The following ARHGAP15 variants were observed in gnomAD, a reference collection of about 807,000 sequenced individuals.
ARHGAP15 encodes Rho GTPase activating protein 15, also known as rho GTPase-activating protein 15.
ARHGAP15 carries 51 observed loss-of-function variants against 63.7 expected under a neutral mutation model. The ratio of observed to expected loss-of-function variants is 0.80; its 90% CI spans 0.64 to 1.01. ARHGAP15 has a LOEUF of 1.01. ARHGAP15 is among the 50% of genes least tolerant of loss of function. ARHGAP15 has a pLI of 0.00. For synonymous variants in ARHGAP15, 191 were observed against 193.8 expected, an observed-to-expected ratio of 0.99 and a Z score of 0.12; for missense variants, 560 against 564.6, an observed-to-expected ratio of 0.99 and a Z score of 0.08.
chr2:143,666,367 T>C (rs1279561158), intron 12 of ARHGAP15, among the ~76,000 whole-genome samples: 8 of 152,300 alleles, frequency 5.3e-5, no homozygotes, highest in African/African-American at 1.7e-4. Context: ...GCTAGCCATA[T>C]GTACAAAGCT....
At chr2:143,182,518 G>A (rs1352261607) in intron 2 of ARHGAP15, among the ~76,000 whole-genome samples, 3 of 152,142 alleles carry the variant, frequency 2.0e-5, no homozygotes, top group Non-Finnish European at 4.4e-5. Flanking sequence ...GTGGTGGGGA[G>A]GAAAAGAGGA....
intron 6 of ARHGAP15, among the ~76,000 whole-genome samples, chr2:143,386,060 G>A (rs1298123380): frequency 6.6e-6 from 1 of 152,112 alleles, no homozygotes; most frequent in East Asian, 1.9e-4. Flanking sequence ...TTATGGCCAA[G>A]CATAAAGAAT....
At chr2:143,403,060 G>C (rs1688055757) in intron 6 of ARHGAP15, among the ~76,000 whole-genome samples, 1 of 151,776 alleles carries the variant, frequency 6.6e-6, no homozygotes, top group Non-Finnish European at 1.5e-5. Flanking sequence ...AGCTATACAA[G>C]TATAGCTATG....
At chr2:143,727,350 T>G (rs2105476047) in intron 13 of ARHGAP15, among the ~76,000 whole-genome samples, 1 of 152,322 alleles carries the variant, frequency 6.6e-6, no homozygotes, top group South Asian at 2.1e-4. Flanking sequence ...ATCCTGCACT[T>G]TGGTACCTGA....
At chr2:143,151,460 G>A (rs562551220) in intron 1 of ARHGAP15, among the ~76,000 whole-genome samples, 5 of 152,108 alleles carry the variant, frequency 3.3e-5, no homozygotes, top group Admixed American at 1.3e-4. Context: ...CATGTAGCCA[G>A]AAGAGTTTCC....
chr2:143,381,232 A>C (rs1687041048), intron 6 of ARHGAP15, among the ~76,000 whole-genome samples: 1 of 152,112 alleles, frequency 6.6e-6, no homozygotes. Context: ...TGTGATTTTA[A>C]GGTGCACTTC....
At chr2:143,577,229 G>A (rs1025697865) in intron 11 of ARHGAP15, among the ~76,000 whole-genome samples, 8 of 152,016 alleles carry the variant, frequency 5.3e-5, no homozygotes, top group Non-Finnish European at 8.8e-5. Flanking sequence ...GAACACACTC[G>A]TGTACCATTC....
At chr2:143,465,166 TA>T in intron 8 of ARHGAP15, among the ~76,000 whole-genome samples, 1 of 152,282 alleles carries the variant, frequency 6.6e-6, no homozygotes, top group East Asian at 1.9e-4. Context: ...GGTTTTCCAT[TA>T]ACATTTTAAA....
In ARHGAP15 at chr2:143,573,363, A is replaced by G. The variant is rs114490631; in HGVS notation, c.1003+16878A>G. Among the ~76,000 whole-genome samples the G allele has an allele frequency of 2.8e-3, 433 of 152,226 alleles. 2 individuals carry two copies. The highest frequency in any genetic ancestry group is 9.9e-3 in the African/African-American group (410 of 41,564). On this transcript the variant is annotated intron_variant, in intron 11 of 13. Transcript: ENST00000295095. ...GGTCCCTCTGCTAGAAAACGAAAATACTCCCAAATATGTTCCACTCTAGGA... is the reference window on the plus strand; with the variant it reads ...GGTCCCTCTGCTAGAAAACGAAAATGCTCCCAAATATGTTCCACTCTAGGA...
intron 6 of ARHGAP15, among the ~76,000 whole-genome samples, chr2:143,358,390 T>C (rs112083505): frequency 6.6e-6 from 1 of 152,074 alleles, no homozygotes; most frequent in East Asian, 1.9e-4. Context: ...TAAGACATGA[T>C]TGAAAATGTG....
At chr2:143,430,643 G>A (rs1387683245) in intron 6 of ARHGAP15, among the ~76,000 whole-genome samples, 1 of 151,882 alleles carries the variant, frequency 6.6e-6, no homozygotes, top group Non-Finnish European at 1.5e-5. Context: ...TACAGATATG[G>A]ACAAAATTAC....
At chr2:143,492,018 A>G (rs1692601828) in intron 9 of ARHGAP15, among the ~76,000 whole-genome samples, 1 of 152,200 alleles carries the variant, frequency 6.6e-6, no homozygotes, top group East Asian at 1.9e-4. Context: ...AGTAGCTGGG[A>G]CTATAGGTGC....
chr2:143,567,177 A>G (rs1696265120), intron 11 of ARHGAP15, among the ~76,000 whole-genome samples: 2 of 152,006 alleles, frequency 1.3e-5, no homozygotes, highest in African/African-American at 4.8e-5. Context: ...GTGCTTCTTT[A>G]TCTATCACCT....
intron 12 of ARHGAP15, among the ~76,000 whole-genome samples, chr2:143,641,966 G>T (rs1263719004): frequency 6.6e-6 from 1 of 152,042 alleles, no homozygotes; most frequent in Non-Finnish European, 1.5e-5. Context: ...CAAACTTAAG[G>T]AAGGTTAGAT....
At chr2:143,495,362 T>C (rs1692769465) in intron 9 of ARHGAP15, among the ~76,000 whole-genome samples, 1 of 152,232 alleles carries the variant, frequency 6.6e-6, no homozygotes, top group Non-Finnish European at 1.5e-5. Context: ...ATTCACTTAC[T>C]TCAAGAAACA....
At chr2:143,675,364 T>C (rs1386437967) in intron 12 of ARHGAP15, among the ~76,000 whole-genome samples, 2 of 152,204 alleles carry the variant, frequency 1.3e-5, no homozygotes, top group African/African-American at 4.8e-5. Context: ...GTTGCTATTT[T>C]GCCCTTCTGC....
chr2:143,269,824 A>C (rs1681183482), intron 6 of ARHGAP15, among the ~76,000 whole-genome samples: 1 of 152,174 alleles, frequency 6.6e-6, no homozygotes, highest in Non-Finnish European at 1.5e-5. Flanking sequence ...CCAATCTTGC[A>C]ATCATGCCTA....
intron 3 of ARHGAP15, among the ~76,000 whole-genome samples, chr2:143,212,959 T>C (rs1408355617): frequency 1.3e-5 from 2 of 152,122 alleles, no homozygotes; most frequent in African/African-American, 4.8e-5. Context: ...GAAAGCATAA[T>C]TGGAATTTTC....
chr2:143,183,525 T>C (rs1276384791), intron 2 of ARHGAP15, among the ~76,000 whole-genome samples: 1 of 152,098 alleles, frequency 6.6e-6, no homozygotes, highest in African/African-American at 2.4e-5. Flanking sequence ...ACATATCTTT[T>C]AAAAATGATT....
Sources: allele counts gnomAD v4.1 joint callset (sites outside exome capture counted in the v4.1 genomes callset), GRCh38; gene constraint gnomAD v4.1.1; transcripts MANE v1.5; gene names NCBI Gene and HGNC (gene_info 2026-07-23, HGNC 2026-07-21).